FSD1L: variants seen among roughly 807,000 people sequenced by gnomAD.
The protein encoded by FSD1L is FSD1-like protein.
In FSD1L, 45 loss-of-function variants were observed where a neutral mutation model predicts 71.6. That is an observed-to-expected ratio of 0.63 (90% CI 0.49 to 0.81). The LOEUF (loss-of-function observed/expected upper bound fraction) is 0.81. FSD1L is among the 30% of genes least tolerant of loss of function. The probability of loss-of-function intolerance (pLI) is 0.00; values close to 1 mark genes in which losing one functional copy is unlikely to be tolerated. For synonymous variants in FSD1L, 197 were observed against 207.2 expected (o/e 0.95, Z 0.42); for missense variants, 561 against 618.1 (o/e 0.91, Z 0.98).
chr9:105,479,614 A>G (rs1472582209), intron 6 of FSD1L, among the ~76,000 whole-genome samples: 2 of 152,218 alleles, frequency 1.3e-5, no homozygotes. Flanking sequence ...GTGTAGAAAT[A>G]TAGTTAGTTT....
At chr9:105,467,242 T>C (rs969569130) in intron 3 of FSD1L, among the ~76,000 whole-genome samples, 1 of 152,196 alleles carries the variant, frequency 6.6e-6, no homozygotes, top group African/African-American at 2.4e-5. Flanking sequence ...CTAGTTTTTA[T>C]AAACATTATA....
intron 13 of FSD1L, among the ~76,000 whole-genome samples, chr9:105,540,896 A>G (rs1184278090): frequency 6.6e-6 from 1 of 152,114 alleles, no homozygotes; most frequent in Non-Finnish European, 1.5e-5. Flanking sequence ...GCATCTTTTC[A>G]TAGGTTAGGT....
At chr9:105,470,764 A>G (rs894686421) in intron 4 of FSD1L, among the ~76,000 whole-genome samples, 3 of 152,080 alleles carry the variant, frequency 2.0e-5, no homozygotes, top group Non-Finnish European at 2.9e-5. Flanking sequence ...GGGGTGGGGG[A>G]TGTATTACTT....
At chr9:105,473,168 A>T (rs1020691239) in intron 5 of FSD1L, 1 of 152,086 alleles carries the variant, frequency 6.6e-6, no homozygotes, top group Non-Finnish European at 1.5e-5. Flanking sequence ...TTAGCCGGGC[A>T]TGGTGATGTG....
rs769776622 is a variant in FSD1L at position 105,468,278 on chromosome 9, T to C, written c.293T>C (p.Ile98Thr). The change falls in exon 4 of 14, where the codon ATT (isoleucine) becomes ACT (threonine). Residue 98 changes from isoleucine (I) to threonine (T), a missense_variant. By Grantham distance (89) the Ile-to-Thr change is moderately conservative (BLOSUM62 -1). This residue lies in a region of FSD1L where 410 missense variants were observed against 413.5 expected (regional missense o/e 0.99). Coordinates refer to ENST00000481272, the MANE Select transcript of FSD1L (RefSeq NM_001145313.3). ...SILDEVKESM[I>T]NCIKQEQARK... The stretch of plus-strand genomic sequence containing the variant: ...CTGGATGAAGTAAAAGAAAGTATGA[T>C]TAACTGTATCAAGCAGGAACAAGCT... 68 of 1,491,806 alleles carry C rather than the reference T, an allele frequency of 4.6e-5. No individual in the cohort carries two copies. In the African/African-American group the frequency reaches 7.0e-4, roughly 15 times the overall value. 92.4% of individuals were successfully genotyped at this position (1,491,806 alleles called of 1,614,324 possible).
chr9:105,448,234 A>T lies in FSD1L; in HGVS notation c.14A>T (p.Lys5Ile). 6.5e-7 allele frequency: 1 copy of T among 1,537,214 alleles called. No individual in the cohort carries two copies. Among genetic ancestry groups the T allele is most frequent in the African/African-American group, 1.4e-5 (1 of 70,672 alleles). The change falls in exon 1 of 14, where the codon AAA becomes ATA. Residue 5 changes from lysine to isoleucine, a missense_variant and splice_region_variant. Around this residue, in one of 3 missense-constraint regions of FSD1L, gnomAD observed 410 missense variants for 413.5 expected, o/e 0.99. Transcript: ENST00000481272. MDSQ[K>I]YCFKENENVT... ...TAGCCACTCGCCATGGACTCCCAGA[A>T]AGTAAGCGGGGGAGGGGAGCCCGGG...
chr9:105,523,119 G>T (rs1172611530), intron 10 of FSD1L: 2 of 1,613,822 alleles, frequency 1.2e-6, no homozygotes, highest in Non-Finnish European at 1.7e-6. Context: ...AGAGCAGGAA[G>T]TGGCTAGTCT....
At position 105,461,570 on chromosome 9, in the gene FSD1L, G is replaced by A; in HGVS notation, c.66G>A (p.Leu22=). 1 of 1,551,792 alleles carries A rather than the reference G, an allele frequency of 6.4e-7. No individual in the cohort carries two copies. The highest frequency in any genetic ancestry group is 1.7e-4 in the Middle Eastern group (1 of 5,994). Residue 22 remains leucine (L), a synonymous_variant, in exon 2 of 14, where the codon CTG becomes CTA. Transcript: ENST00000481272. ...ENVTVDKACF[L]ISNITIGPES... ...TTACAGTTGATAAAGCCTGTTTTCTGATCTCTAACATCACTATTGGACCAG... is the reference window on the plus strand; with the variant it reads ...TTACAGTTGATAAAGCCTGTTTTCTAATCTCTAACATCACTATTGGACCAG...
At chr9:105,462,849 A>G (rs1187082097) in intron 2 of FSD1L, among the ~76,000 whole-genome samples, 1 of 151,326 alleles carries the variant, frequency 6.6e-6, no homozygotes, top group East Asian at 2.0e-4. Context: ...ACATTTGTAT[A>G]AAATGTTGCC....
intron 10 of FSD1L, among the ~76,000 whole-genome samples, chr9:105,518,583 G>C (rs1221546166): frequency 1.3e-5 from 2 of 152,092 alleles, no homozygotes; most frequent in African/African-American, 4.8e-5. Flanking sequence ...ACGAAATGAA[G>C]GCAGAAATAA....
At chr9:105,537,164 A>G (rs572462893) in intron 12 of FSD1L, among the ~76,000 whole-genome samples, 15 of 152,352 alleles carry the variant, frequency 9.8e-5, no homozygotes, top group African/African-American at 3.6e-4. Context: ...AATTTTGAAG[A>G]TGACATAATA....
intron 5 of FSD1L, among the ~76,000 whole-genome samples, chr9:105,474,026 G>A (rs373690518): frequency 6.6e-6 from 1 of 152,218 alleles, no homozygotes; most frequent in East Asian, 1.9e-4. Flanking sequence ...GAGATGTGGT[G>A]AAATGAATTA....
At chr9:105,516,595 A>G (rs1253319227) in intron 10 of FSD1L, among the ~76,000 whole-genome samples, 1 of 152,206 alleles carries the variant, frequency 6.6e-6, no homozygotes, top group East Asian at 1.9e-4. Context: ...CCTGCAGCAG[A>G]GGGGCCTGAC....
In FSD1L at chr9:105,509,107, T is replaced by C. The variant is rs565282984; in HGVS notation, c.895+392T>C. 3.9e-4 allele frequency among the ~76,000 whole-genome samples: 60 copies of C among 152,358 alleles called. 1 individual carries two copies. The highest frequency in any genetic ancestry group is 7.7e-4 in the East Asian group (4 of 5,194). On this transcript the variant is annotated intron_variant, in intron 9 of 13. Coordinates refer to ENST00000481272, the MANE Select transcript of FSD1L (RefSeq NM_001145313.3). ...GTCCTCTCTGTTTTCCTGTATCTTA[T>C]TGCAACAGTTAACGTTTATATAGTT...
intron 1 of FSD1L, among the ~76,000 whole-genome samples, chr9:105,456,510 T>C (rs2131584479): frequency 6.6e-6 from 1 of 152,384 alleles, no homozygotes; most frequent in African/African-American, 2.4e-5. Flanking sequence ...AACTTTAAGC[T>C]GTGCTGCGTT....
intron 10 of FSD1L, among the ~76,000 whole-genome samples, chr9:105,528,159 A>C (rs1371813864): frequency 6.6e-6 from 1 of 152,176 alleles, no homozygotes; most frequent in Non-Finnish European, 1.5e-5. Context: ...ACAAATGGAA[A>C]AACATTCCAT....
intron 13 of FSD1L, 138 bp from the exon 14 acceptor site, chr9:105,546,220 G>A (rs1349728443): frequency 1.4e-6 from 1 of 729,844 alleles, no homozygotes; most frequent in Non-Finnish European, 2.1e-6. Context: ...TTTCCCCTCA[G>A]CTGAAATATG....
intron 10 of FSD1L, among the ~76,000 whole-genome samples, chr9:105,532,916 T>G (rs1364169154): frequency 6.6e-6 from 1 of 152,196 alleles, no homozygotes; most frequent in East Asian, 1.9e-4. Flanking sequence ...GCAAGACATT[T>G]AAATAATGCA....
chr9:105,543,117 A>G (rs1836736539), intron 13 of FSD1L, among the ~76,000 whole-genome samples: 1 of 152,138 alleles, frequency 6.6e-6, no homozygotes, highest in Non-Finnish European at 1.5e-5. Flanking sequence ...TGAGCCTGTT[A>G]GTTTTGAAAA....
Sources: gnomAD v4.1 joint callset for allele counts (sites outside exome capture counted in the v4.1 genomes callset) on GRCh38, gnomAD v4.1.1 for gene constraint, gnomAD v4.1.1 regional missense constraint, MANE v1.5 for transcripts, NCBI Gene and HGNC (gene_info 2026-07-23, HGNC 2026-07-21) for gene names.